Variants in ABCA5 observed in about 807,000 individuals in gnomAD.
ABCA5 encodes cholesterol transporter ABCA5.
ABCA5 carries 163 observed loss-of-function variants against 206.0 expected under a neutral mutation model. The observed-to-expected ratio is 0.79, with a 90% confidence interval of 0.70 to 0.90. ABCA5 has a LOEUF of 0.90. Among genes scored for constraint, ABCA5 ranks in the 40% least tolerant of loss-of-function variants. The pLI is 0.00. For missense variants in ABCA5, 1,859 were observed against 1,912.9 expected (o/e 0.97, Z 0.53); for synonymous variants, 609 against 613.8 (o/e 0.99, Z 0.11).
chr17:69,317,863 T>C (rs1411947238), intron 1 of ABCA5: 1 of 152,206 alleles, frequency 6.6e-6, no homozygotes, highest in Non-Finnish European at 1.5e-5. Flanking sequence ...TCAACTGCAA[T>C]GTCCACTGCC....
Position 69,253,790 on chromosome 17 carries a change from G to T in ABCA5, c.4320+4C>A, listed in dbSNP as rs372070705. The T allele has an allele frequency of 1.2e-6, 2 of 1,610,324 alleles. No individual in the cohort carries two copies. The highest frequency in any genetic ancestry group is 2.7e-5 in the African/African-American group (2 of 74,790). ...AGGCATTATTTGGTGTTTAATGAAA[G>T]TACCTTTCGTTTGATTCCTGCAGGT... On this transcript the variant is annotated splice_donor_region_variant and intron_variant, in intron 33 of 38. Coordinates refer to ENST00000392676, the MANE Select transcript of ABCA5 (RefSeq NM_172232.4).
At chr17:69,257,456 C>CA (rs995218509) in intron 28 of ABCA5, among the ~76,000 whole-genome samples, 15 of 151,208 alleles carry the variant, frequency 9.9e-5, no homozygotes, top group African/African-American at 3.4e-4. Flanking sequence ...AATGAAAAGA[C>CA]AAAATCATTA....
intron 35 of ABCA5, 91 bp from the exon 36 acceptor site, chr17:69,250,712 T>G: frequency 1.1e-6 from 1 of 913,860 alleles, no homozygotes; most frequent in South Asian, 2.0e-5. Context: ...TAAAAAAATA[T>G]ACCTTTATAT....
intron 27 of ABCA5, 132 bp from the exon 28 acceptor site, chr17:69,259,929 T>G: frequency 2.2e-6 from 1 of 456,734 alleles, no homozygotes. Context: ...AATCACAACT[T>G]TTTTATATTT....
chr17:69,299,680 G>A (rs988460032), intron 9 of ABCA5, among the ~76,000 whole-genome samples: 1 of 151,810 alleles, frequency 6.6e-6, no homozygotes, highest in African/African-American at 2.4e-5. Flanking sequence ...ACGATACAAT[G>A]GATTATGGGG....
At chr17:69,298,541 C>T (rs776413155) in intron 9 of ABCA5, among the ~76,000 whole-genome samples, 42 of 152,140 alleles carry the variant, frequency 2.8e-4, no homozygotes, top group Non-Finnish European at 5.4e-4. Flanking sequence ...CTTGGCATTC[C>T]TCTGGGAACT....
At chr17:69,298,207 T>G (rs2075603667) in intron 9 of ABCA5, among the ~76,000 whole-genome samples, 1 of 71,060 alleles carries the variant, frequency 1.4e-5, no homozygotes, top group Non-Finnish European at 2.9e-5. Context: ...AGCAAAACCC[T>G]GTCGGAAGGA....
chr17:69,270,482 T>C, intron 22 of ABCA5, 131 bp downstream of exon 22: 1 of 822,408 alleles, frequency 1.2e-6, no homozygotes, highest in South Asian at 2.0e-5. Flanking sequence ...CGTTTCTCAC[T>C]TGAGTTTTAA....
At chr17:69,262,946 G>A (rs1428919633) in intron 24 of ABCA5, among the ~76,000 whole-genome samples, 1 of 152,086 alleles carries the variant, frequency 6.6e-6, no homozygotes, top group Non-Finnish European at 1.5e-5. Context: ...ACATGAGATG[G>A]TATCTTACTG....
intron 11 of ABCA5, among the ~76,000 whole-genome samples, chr17:69,292,082 C>A (rs1418852426): frequency 6.6e-6 from 1 of 152,126 alleles, no homozygotes; most frequent in Non-Finnish European, 1.5e-5. Flanking sequence ...GTCCTCCAGC[C>A]TGGGGGACAG....
At chr17:69,293,270 C>T (rs2075548286) in intron 11 of ABCA5, among the ~76,000 whole-genome samples, 1 of 151,934 alleles carries the variant, frequency 6.6e-6, no homozygotes, top group Non-Finnish European at 1.5e-5. Flanking sequence ...TCTAGTAAGT[C>T]CCAAAAATCT....
chr17:69,303,544 T>C (rs533531904), intron 7 of ABCA5, among the ~76,000 whole-genome samples: 1 of 147,160 alleles, frequency 6.8e-6, no homozygotes, highest in East Asian at 2.0e-4. Context: ...TGTGAAAAAA[T>C]AATAAATCAA....
intron 28 of ABCA5, among the ~76,000 whole-genome samples, chr17:69,257,086 C>T (rs1329549715): frequency 5.3e-5 from 8 of 151,910 alleles, no homozygotes; most frequent in Non-Finnish European, 1.0e-4. Flanking sequence ...AAAATGTGGC[C>T]AGGCGCAGTG....
chr17:69,255,068 A>G (rs1318265889), intron 31 of ABCA5, among the ~76,000 whole-genome samples: 1 of 152,218 alleles, frequency 6.6e-6, no homozygotes, highest in Non-Finnish European at 1.5e-5. Flanking sequence ...AACCCAAAGA[A>G]AAGAGTATGC....
intron 3 of ABCA5, among the ~76,000 whole-genome samples, chr17:69,310,041 C>T (rs545816350): frequency 6.6e-6 from 1 of 152,116 alleles, no homozygotes; most frequent in South Asian, 2.1e-4. Context: ...TTTCTCAAAA[C>T]CTCAATTAAT....
At chr17:69,256,316 G>A in intron 28 of ABCA5, 33 bp from the exon 29 acceptor site, 1 of 1,388,458 alleles carries the variant, frequency 7.2e-7, no homozygotes, top group Non-Finnish European at 9.6e-7. Context: ...AAAGACAGTA[G>A]GTTTTCAAAT....
At chr17:69,261,438 T>A (rs910183899) in intron 25 of ABCA5, among the ~76,000 whole-genome samples, 179 bp from the exon 26 acceptor site, 1 of 152,036 alleles carries the variant, frequency 6.6e-6, no homozygotes, top group East Asian at 1.9e-4. Context: ...GATACACTAG[T>A]TGCTAAATCT....
Position 69,289,305 on chromosome 17 carries a change from G to C in ABCA5, c.1783-9C>G, listed in dbSNP as rs781746039. The C allele has an allele frequency of 2.6e-6, 4 of 1,538,678 alleles. No individual in the cohort carries two copies. The highest frequency in any genetic ancestry group is 3.5e-6 in the Non-Finnish European group (4 of 1,148,854). On this transcript the variant is annotated splice_polypyrimidine_tract_variant and intron_variant, in intron 13 of 38. Coordinates refer to ENST00000392676, the MANE Select transcript of ABCA5 (RefSeq NM_172232.4). ...AGTAAAACCTTCTGCACCTGTAAAA[G>C]TAAAGCATGAACAATGTTATTTTAA...
chr17:69,281,669 G>A (rs1018311745), intron 18 of ABCA5, among the ~76,000 whole-genome samples: 25 of 152,128 alleles, frequency 1.6e-4, no homozygotes, highest in Non-Finnish European at 3.1e-4. Flanking sequence ...TAGGACTACA[G>A]GAGCAACTTT....
Sources: allele counts gnomAD v4.1 joint callset (sites outside exome capture counted in the v4.1 genomes callset), GRCh38; gene constraint gnomAD v4.1.1; transcripts MANE v1.5; gene names NCBI Gene and HGNC (gene_info 2026-07-23, HGNC 2026-07-21).